Variants in MUSK observed in about 807,000 individuals in gnomAD.
The protein encoded by MUSK is muscle, skeletal receptor tyrosine-protein kinase.
A neutral mutation model predicts 88.7 loss-of-function variants in MUSK; 55 were observed. The observed-to-expected ratio is 0.62, with a 90% CI of 0.50 to 0.78. The LOEUF (loss-of-function observed/expected upper bound fraction) is 0.78. Ranked by LOEUF, MUSK falls within the 30% of genes least tolerant of loss-of-function variation. The pLI, the probability that MUSK is intolerant of heterozygous loss-of-function variation, is 0.00. For missense variants in MUSK, 1,015 were observed against 1,074.3 expected (o/e 0.94, Z 0.77); for synonymous variants, 387 against 391.9 (o/e 0.99, Z 0.15).
intron 5 of MUSK, among the ~76,000 whole-genome samples, chr9:110,723,612 C>T (rs191322056): frequency 1.6e-4 from 24 of 152,196 alleles, no homozygotes; most frequent in Admixed American, 9.8e-4. Context: ...TATTAATCCT[C>T]CTATGCAATC....
rs141079554 is a variant in MUSK at position 110,785,115 on chromosome 9, T to C, written c.1586+99T>C. 7,083 of 1,007,592 alleles carry C rather than the reference T, an allele frequency of 7.0e-3. 34 individuals are homozygous for C. Among genetic ancestry groups the C allele is most frequent in the Non-Finnish European group, 9.4e-3 (6,310 of 668,958 alleles). 62.4% of individuals were successfully genotyped at this position (1,007,592 alleles called of 1,614,324 possible). A position where few individuals can be genotyped will look rare whatever the true frequency, so the allele number is the denominator to read the frequency against. The stretch of plus-strand genomic sequence containing the variant: ...TGAGGAATATATATGACACTGCAAC[T>C]CTCTAAATATATCCGTAGCCCTGCT... On this transcript the variant is annotated intron_variant, in intron 12 of 14. Transcript: ENST00000374448.
chr9:110,775,893 C>T lies in MUSK; in HGVS notation c.1290C>T (p.Ser430=), dbSNP rs769982867. The part of the protein sequence containing the change: ...GLYRSEMHLL[S]VPECSKLPSM... ...ACAGATCCGAGATGCATTTGCTGTC[C>T]GTGCCAGAATGCAGCAAGCTTCCCA... The change falls in exon 10 of 15, where the codon TCC becomes TCT. Residue 430 remains serine (S), a synonymous_variant. Transcript: ENST00000374448. 10 of 1,613,806 alleles carry T rather than the reference C, an allele frequency of 6.2e-6. No individual in the cohort carries two copies. The highest frequency in any genetic ancestry group is 3.3e-5 in the Admixed American group (2 of 59,990).
chr9:110,686,007 A>T (rs552526126), intron 2 of MUSK, among the ~76,000 whole-genome samples: 1 of 152,274 alleles, frequency 6.6e-6, no homozygotes, highest in East Asian at 1.9e-4. Context: ...CCACAAACTT[A>T]GTGGCCTAAA....
chr9:110,689,217 T>C lies in MUSK; in HGVS notation c.358+1949T>C, dbSNP rs1445959694. On this transcript the variant is annotated intron_variant, in intron 3 of 14. Transcript: ENST00000374448. Reference sequence around the variant, plus strand: ...ATATATATATTCATATTTTATATAATATATAATATATAAATATATAAATAT... The same window carrying C: ...ATATATATATTCATATTTTATATAACATATAATATATAAATATATAAATAT... Among the ~76,000 whole-genome samples, 183 of 88,508 alleles carry C rather than the reference T, an allele frequency of 2.1e-3. 2 individuals carry two copies. The highest frequency in any genetic ancestry group is 9.1e-3 in the African/African-American group (170 of 18,734). The allele number at this position is 88,508 out of a possible 152,430, so 58.1% of individuals were successfully genotyped here.
chr9:110,751,873 G>C (rs1010634208), intron 7 of MUSK, among the ~76,000 whole-genome samples: 3 of 152,154 alleles, frequency 2.0e-5, no homozygotes, highest in African/African-American at 7.2e-5. Context: ...ACGATGTTCG[G>C]AGTCAAGTAA....
intron 9 of MUSK, among the ~76,000 whole-genome samples, chr9:110,773,845 G>A (rs1186665026): frequency 2.0e-5 from 3 of 152,178 alleles, no homozygotes; most frequent in African/African-American, 7.2e-5. Context: ...TCCTTTGTAA[G>A]GAACATTTTC....
At position 110,702,461 on chromosome 9, in the gene MUSK, C is replaced by T. The variant is rs931786718; in HGVS notation, c.628+4995C>T. ...CATCTTCAGGCACAAAAACACAACA[C>T]AATGGCTTGTCTGTCTTTAGTCGTG... On this transcript the variant is annotated intron_variant, in intron 5 of 14. Coordinates refer to ENST00000374448, the MANE Select transcript of MUSK (RefSeq NM_005592.4). Among the ~76,000 whole-genome samples, 14 of 152,276 alleles carry T rather than the reference C, an allele frequency of 9.2e-5. No homozygotes were observed. The South Asian group carries it at 1.0e-3, about 11-fold the overall frequency.
intron 9 of MUSK, chr9:110,775,371 T>C (rs560409032): frequency 1.2e-5 from 3 of 240,664 alleles, no homozygotes; most frequent in South Asian, 5.4e-5. Context: ...CCCAAGATCA[T>C]AGAAAAATCT....
At chr9:110,720,849 A>G (rs2076802147) in intron 5 of MUSK, among the ~76,000 whole-genome samples, 1 of 152,164 alleles carries the variant, frequency 6.6e-6, no homozygotes, top group Non-Finnish European at 1.5e-5. Flanking sequence ...TCAACAAAGT[A>G]CTAGTGAACT....
chr9:110,776,813 T>C (rs2077678446), intron 11 of MUSK, among the ~76,000 whole-genome samples, 158 bp downstream of exon 11: 1 of 152,132 alleles, frequency 6.6e-6, no homozygotes, highest in Non-Finnish European at 1.5e-5. Flanking sequence ...TGAGGGAAAA[T>C]CATGGAAGGT....
chr9:110,712,503 C>T (rs1004426639), intron 5 of MUSK, among the ~76,000 whole-genome samples: 3 of 152,162 alleles, frequency 2.0e-5, no homozygotes, highest in African/African-American at 4.8e-5. Context: ...TGCCAGTGCA[C>T]ATCAGAAGCA....
chr9:110,704,526 A>G (rs1323892874), intron 5 of MUSK, among the ~76,000 whole-genome samples: 2 of 152,212 alleles, frequency 1.3e-5, no homozygotes, highest in Non-Finnish European at 2.9e-5. Flanking sequence ...GTACTTGTAT[A>G]GTGCTTACCA....
At chr9:110,761,865 C>T (rs1189507029) in intron 7 of MUSK, 4 of 982,388 alleles carry the variant, frequency 4.1e-6, no homozygotes, top group African/African-American at 1.7e-5. Flanking sequence ...TGAGCCACCG[C>T]GCCCGGCCCA....
intron 12 of MUSK, among the ~76,000 whole-genome samples, chr9:110,785,220 T>C (rs764058392): frequency 2.0e-5 from 3 of 152,100 alleles, no homozygotes; most frequent in Admixed American, 6.6e-5. Flanking sequence ...TGCCCTAGGG[T>C]TACTGTTTCA....
At chr9:110,687,999 A>C (rs1158044726) in intron 3 of MUSK, among the ~76,000 whole-genome samples, 1 of 152,046 alleles carries the variant, frequency 6.6e-6, no homozygotes, top group African/African-American at 2.4e-5. Flanking sequence ...GCTTCAGTGG[A>C]AGCTGTTCTA....
intron 5 of MUSK, among the ~76,000 whole-genome samples, chr9:110,698,704 G>A (rs2076464543): frequency 6.6e-6 from 1 of 152,018 alleles, no homozygotes; most frequent in African/African-American, 2.4e-5. Flanking sequence ...AAAATAATGA[G>A]GTTGGTGGGA....
chr9:110,772,556 TTC>T (rs1354611916), intron 9 of MUSK, among the ~76,000 whole-genome samples: 2 of 151,980 alleles, frequency 1.3e-5, no homozygotes, highest in African/African-American at 4.8e-5. Context: ...TAGAGGTTTT[TTC>T]TCTGATATAT....
At chr9:110,764,936 A>G (rs1470913140) in intron 8 of MUSK, among the ~76,000 whole-genome samples, 1 of 152,144 alleles carries the variant, frequency 6.6e-6, no homozygotes, top group African/African-American at 2.4e-5. Flanking sequence ...TGCATTATAT[A>G]CTTAATGCTG....
At position 110,762,227 on chromosome 9, in the gene MUSK, A is replaced by T; in HGVS notation, c.920+19A>T. 1 of 1,415,220 alleles carries T rather than the reference A, an allele frequency of 7.1e-7. No homozygotes were observed. Among genetic ancestry groups the T allele is most frequent in the Non-Finnish European group, 9.3e-7 (1 of 1,077,672 alleles). 87.7% of individuals were successfully genotyped at this position (1,415,220 alleles called of 1,614,324 possible). On this transcript the variant is annotated intron_variant, in intron 8 of 14. Transcript: ENST00000374448. ...AATGGAGGTAAGAAACTGTTATTGT[A>T]ACAATTGTTTCCAATGTTTTGTTTT...
Sources: allele counts gnomAD v4.1 joint callset (sites outside exome capture counted in the v4.1 genomes callset), GRCh38; gene constraint gnomAD v4.1.1; transcripts MANE v1.5; gene names NCBI Gene and HGNC (gene_info 2026-07-23, HGNC 2026-07-21).